Variants in UBE2E2 observed in about 807,000 individuals in gnomAD.
UBE2E2 encodes the protein ubiquitin conjugating enzyme E2 E2.
Under a neutral mutation model 24.7 loss-of-function variants are expected in UBE2E2, and 6 were observed. The observed-to-expected ratio is 0.24, with a 90% CI of 0.13 to 0.48. The LOEUF is 0.48. UBE2E2 is among the 20% of genes least tolerant of loss of function. UBE2E2 has a pLI of 0.99. For synonymous variants in UBE2E2, 104 were observed against 83.6 expected (o/e 1.24, Z -1.33); for missense variants, 169 against 245.0 (o/e 0.69, Z 2.07).
At chr3:23,516,925 TATG>T (rs1694755193) in intron 4 of UBE2E2, among the ~76,000 whole-genome samples, 2 of 152,312 alleles carry the variant, frequency 1.3e-5, no homozygotes, top group South Asian at 4.1e-4. Flanking sequence ...ACCACTTTAC[TATG>T]ATGATATGTT....
At chr3:23,310,677 A>G (rs1457919383) in intron 3 of UBE2E2, among the ~76,000 whole-genome samples, 1 of 152,148 alleles carries the variant, frequency 6.6e-6, no homozygotes, top group African/African-American at 2.4e-5. Flanking sequence ...TGAGCCCTGG[A>G]GTTCAAGACC....
At chr3:23,546,993 A>G (rs1173494173) in intron 5 of UBE2E2, among the ~76,000 whole-genome samples, 2 of 151,996 alleles carry the variant, frequency 1.3e-5, no homozygotes. Flanking sequence ...GACTTGGATT[A>G]TTCTGTTTCT....
At chr3:23,399,170 C>A (rs939212029) in intron 3 of UBE2E2, among the ~76,000 whole-genome samples, 108 of 152,272 alleles carry the variant, frequency 7.1e-4, no homozygotes, top group Non-Finnish European at 1.1e-3. Flanking sequence ...ACCATAGTAA[C>A]CTCAGCGTAG....
At chr3:23,420,110 A>G (rs771795161) in intron 3 of UBE2E2, among the ~76,000 whole-genome samples, 3 of 152,242 alleles carry the variant, frequency 2.0e-5, no homozygotes, top group Non-Finnish European at 4.4e-5. Context: ...GCCCTCATCT[A>G]CTATAAAACC....
intron 3 of UBE2E2, among the ~76,000 whole-genome samples, chr3:23,260,923 G>C (rs772848062): frequency 1.3e-5 from 2 of 152,038 alleles, no homozygotes; most frequent in Non-Finnish European, 2.9e-5. Flanking sequence ...GGGCAACGTG[G>C]CAAAACGCTG....
At chr3:23,471,405 A>G (rs1413447568) in intron 3 of UBE2E2, among the ~76,000 whole-genome samples, 1 of 152,206 alleles carries the variant, frequency 6.6e-6, no homozygotes, top group Non-Finnish European at 1.5e-5. Context: ...AACTGCCAAC[A>G]ACTACAAAAT....
chr3:23,491,844 AT>A (rs1359303637), intron 3 of UBE2E2, among the ~76,000 whole-genome samples: 1 of 152,218 alleles, frequency 6.6e-6, no homozygotes, highest in African/African-American at 2.4e-5. Context: ...ACCATGCAAG[AT>A]GCTGGTGCCA....
At chr3:23,375,738 A>T (rs1448949734) in intron 3 of UBE2E2, among the ~76,000 whole-genome samples, 1 of 152,322 alleles carries the variant, frequency 6.6e-6, no homozygotes, top group East Asian at 1.9e-4. Flanking sequence ...GCCCATAATT[A>T]GGACACCTTT....
intron 1 of UBE2E2, chr3:23,204,820 T>C: frequency 1.1e-6 from 1 of 910,822 alleles, no homozygotes; most frequent in Non-Finnish European, 1.3e-6. Flanking sequence ...TTTAGAAACA[T>C]GAGTAGGAAG....
chr3:23,527,569 G>A (rs1251134122), intron 4 of UBE2E2, among the ~76,000 whole-genome samples: 1 of 152,126 alleles, frequency 6.6e-6, no homozygotes, highest in African/African-American at 2.4e-5. Context: ...GATGGAAGCT[G>A]GTTGCCATCA....
At chr3:23,454,802 A>G (rs1442368854) in intron 3 of UBE2E2, among the ~76,000 whole-genome samples, 1 of 152,220 alleles carries the variant, frequency 6.6e-6, no homozygotes, top group Non-Finnish European at 1.5e-5. Flanking sequence ...ATAAAAGACT[A>G]CCTCCTGGTA....
At chr3:23,358,658 T>C (rs1696032354) in intron 3 of UBE2E2, among the ~76,000 whole-genome samples, 1 of 152,240 alleles carries the variant, frequency 6.6e-6, no homozygotes, top group Non-Finnish European at 1.5e-5. Flanking sequence ...ACAATCATGC[T>C]TTTTATTTTG....
At chr3:23,425,760 A>G (rs1208728650) in intron 3 of UBE2E2, among the ~76,000 whole-genome samples, 5 of 151,710 alleles carry the variant, frequency 3.3e-5, no homozygotes, top group African/African-American at 1.2e-4. Flanking sequence ...AGAATGCTCT[A>G]CCCTCCCCCG....
At chr3:23,298,883 C>G (rs1158980675) in intron 3 of UBE2E2, among the ~76,000 whole-genome samples, 5 of 152,112 alleles carry the variant, frequency 3.3e-5, no homozygotes, top group Admixed American at 6.6e-5. Flanking sequence ...GTCTTTGTAC[C>G]TCTGGTAGAA....
chr3:23,301,239 G>C (rs113127029), intron 3 of UBE2E2, among the ~76,000 whole-genome samples: 3 of 151,978 alleles, frequency 2.0e-5, no homozygotes, highest in African/African-American at 7.2e-5. Flanking sequence ...ATTTCCTCCT[G>C]TAGCTCAGAG....
chr3:23,427,734 T>C (rs1697961961), intron 3 of UBE2E2, among the ~76,000 whole-genome samples: 2 of 152,178 alleles, frequency 1.3e-5, no homozygotes, highest in African/African-American at 4.8e-5. Context: ...AGATATACTA[T>C]GCTAACACTA....
At chr3:23,384,856 T>A (rs912303118) in intron 3 of UBE2E2, among the ~76,000 whole-genome samples, 1 of 152,248 alleles carries the variant, frequency 6.6e-6, no homozygotes, top group East Asian at 1.9e-4. Context: ...ATGTAATTTT[T>A]AAAACCAGAC....
At chr3:23,381,315 T>A (rs952037052) in intron 3 of UBE2E2, among the ~76,000 whole-genome samples, 1 of 152,184 alleles carries the variant, frequency 6.6e-6, no homozygotes, top group Non-Finnish European at 1.5e-5. Flanking sequence ...TAGAAAAATA[T>A]TCCTGGCAAC....
chr3:23,558,703 A>G (rs1227623865), intron 5 of UBE2E2, among the ~76,000 whole-genome samples: 1 of 152,206 alleles, frequency 6.6e-6, no homozygotes, highest in Non-Finnish European at 1.5e-5. Context: ...GATATTGCCC[A>G]TCCAGGATGA....
Sources: gnomAD v4.1 joint callset for allele counts (sites outside exome capture counted in the v4.1 genomes callset) on GRCh38, gnomAD v4.1.1 for gene constraint, MANE v1.5 for transcripts, NCBI Gene and HGNC (gene_info 2026-07-23, HGNC 2026-07-21) for gene names.